Variants in MYH10 observed in about 807,000 individuals in gnomAD.
MYH10 encodes myosin-10.
In MYH10, 55 loss-of-function variants were observed where a neutral mutation model predicts 257.8. The ratio of observed to expected loss-of-function variants is 0.21; its 90% CI spans 0.17 to 0.27. MYH10 has a LOEUF of 0.27. Among genes scored for constraint, MYH10 ranks in the 10% least tolerant of loss-of-function variants. The pLI is 1.00. For missense variants in MYH10, 1,631 were observed against 2,500.6 expected (o/e 0.65, Z 7.42); for synonymous variants, 854 against 921.7 (o/e 0.93, Z 1.33).
In MYH10 at chr17:8,508,679, T is replaced by A; in HGVS notation, c.3091-2A>T. The A allele has an allele frequency of 6.2e-7, 1 of 1,613,702 alleles. No individual in the cohort carries two copies. Among genetic ancestry groups the A allele is most frequent in the Non-Finnish European group, 8.5e-7 (1 of 1,179,766 alleles). ...GCGATCTTCCATGAGTTTCTTTTCC[T>A]GGACAGGAAAAATTGACTGCTTCAG... On this transcript the variant is annotated splice_acceptor_variant, in intron 25 of 42. Transcript: ENST00000360416. LOFTEE classifies it high-confidence loss of function.
At chr17:8,532,014 G>A (rs1482999902) in intron 16 of MYH10, among the ~76,000 whole-genome samples, 1 of 152,136 alleles carries the variant, frequency 6.6e-6, no homozygotes, top group African/African-American at 2.4e-5. Flanking sequence ...ACATGGTACT[G>A]CTTCTCTGCC....
intron 37 of MYH10, among the ~76,000 whole-genome samples, chr17:8,483,094 T>A (rs1018854562): frequency 1.3e-5 from 2 of 152,206 alleles, no homozygotes; most frequent in Non-Finnish European, 2.9e-5. Context: ...TTTGGAAATT[T>A]AAACCGCAAG....
intron 14 of MYH10, among the ~76,000 whole-genome samples, chr17:8,536,473 T>C (rs2082140180): frequency 6.6e-6 from 1 of 152,232 alleles, no homozygotes; most frequent in Non-Finnish European, 1.5e-5. Context: ...CAGTCATCAA[T>C]TGCCTTATAT....
chr17:8,542,972 CAT>C (rs954452026), intron 13 of MYH10, among the ~76,000 whole-genome samples: 5 of 152,138 alleles, frequency 3.3e-5, no homozygotes, highest in African/African-American at 9.7e-5. Flanking sequence ...AGGCATTTTT[CAT>C]ATGTTATTGT....
chr17:8,550,152 A>G (rs1211176877), intron 9 of MYH10, among the ~76,000 whole-genome samples: 5 of 133,996 alleles, frequency 3.7e-5, no homozygotes, highest in African/African-American at 5.8e-5. Flanking sequence ...GCCGCCCATC[A>G]TCTGGGATGT....
intron 30 of MYH10, among the ~76,000 whole-genome samples, chr17:8,496,544 C>G (rs535249145): frequency 6.6e-6 from 1 of 152,304 alleles, no homozygotes; most frequent in South Asian, 2.1e-4. Context: ...GAACAACGTA[C>G]ATGGGAGCCT....
intron 4 of MYH10, among the ~76,000 whole-genome samples, chr17:8,585,638 A>G (rs1169364778): frequency 2.0e-5 from 3 of 152,144 alleles, no homozygotes; most frequent in South Asian, 2.1e-4. Context: ...CTGTTACTAA[A>G]TATCAGTGGT....
At chr17:8,574,911 A>T (rs559036906) in intron 6 of MYH10, among the ~76,000 whole-genome samples, 69 of 152,364 alleles carry the variant, frequency 4.5e-4, no homozygotes, top group Non-Finnish European at 8.7e-4. Flanking sequence ...ACCATTCCGT[A>T]CGGTGCTGTT....
intron 7 of MYH10, chr17:8,554,272 CCAGT>C (rs1461713086): frequency 3.8e-5 from 9 of 234,296 alleles, no homozygotes; most frequent in East Asian, 3.8e-4. Flanking sequence ...TAGTGAGATC[CCAGT>C]CATTCAGAAG....
At chr17:8,479,220 G>C (rs1296807839) in intron 40 of MYH10, among the ~76,000 whole-genome samples, 1 of 151,198 alleles carries the variant, frequency 6.6e-6, no homozygotes, top group Non-Finnish European at 1.5e-5. Flanking sequence ...GAGGGCTTTG[G>C]CAGCTCACAT....
intron 17 of MYH10, among the ~76,000 whole-genome samples, chr17:8,527,123 C>T (rs952529403): frequency 6.6e-6 from 1 of 152,130 alleles, no homozygotes; most frequent in Non-Finnish European, 1.5e-5. Context: ...TTCGCAGAAA[C>T]GATCTTCACA....
intron 1 of MYH10, among the ~76,000 whole-genome samples, chr17:8,626,578 A>AATTAAT (rs1284109448): frequency 7.8e-5 from 11 of 140,190 alleles, no homozygotes; most frequent in African/African-American, 2.7e-4. Context: ...AAATAATAAT[A>AATTAAT]AATAATAATA....
intron 6 of MYH10, among the ~76,000 whole-genome samples, chr17:8,575,670 A>G (rs887999244): frequency 2.0e-5 from 3 of 152,206 alleles, no homozygotes; most frequent in African/African-American, 7.2e-5. Flanking sequence ...TTAACAGATC[A>G]TTTCCATAAC....
chr17:8,567,524 C>T (rs1041491289), intron 7 of MYH10, among the ~76,000 whole-genome samples: 1 of 152,100 alleles, frequency 6.6e-6, no homozygotes, highest in Admixed American at 6.5e-5. Context: ...ACCCCCAGGA[C>T]CTCATGATGG....
chr17:8,560,880 A>AT, intron 7 of MYH10: 1 of 534,798 alleles, frequency 1.9e-6, no homozygotes, highest in Non-Finnish European at 3.6e-6. Flanking sequence ...GAGGGAGTGA[A>AT]TATCATGGAA....
In MYH10 at chr17:8,521,294, A is replaced by G; in HGVS notation, c.1958-9T>C. Reference sequence around the variant, plus strand: ...ACCCACGATACGGTCCACTGGGGAGAAGAAAGGAGAAAACAAATATAAGCC... The same window carrying G: ...ACCCACGATACGGTCCACTGGGGAGGAGAAAGGAGAAAACAAATATAAGCC... On this transcript the variant is annotated splice_polypyrimidine_tract_variant and intron_variant, in intron 17 of 42. Coordinates refer to ENST00000360416, the MANE Select transcript of MYH10 (RefSeq NM_001256012.3). 1.2e-6 allele frequency: 2 copies of G among 1,613,174 alleles called. No homozygotes were observed. Among genetic ancestry groups the G allele is most frequent in the Non-Finnish European group, 1.7e-6 (2 of 1,179,168 alleles).
At chr17:8,479,455 A>G (rs781284994) in intron 40 of MYH10, among the ~76,000 whole-genome samples, 2 of 152,166 alleles carry the variant, frequency 1.3e-5, no homozygotes, top group Admixed American at 6.5e-5. Flanking sequence ...CCAACTAGAA[A>G]CAAACCCTTA....
At chr17:8,488,751 G>C (rs1334264247) in intron 35 of MYH10, among the ~76,000 whole-genome samples, 1 of 152,080 alleles carries the variant, frequency 6.6e-6, no homozygotes, top group Non-Finnish European at 1.5e-5. Flanking sequence ...GGGAGAGGAG[G>C]AGCAGGGCAG....
chr17:8,499,916 G>A (rs1302724119), intron 29 of MYH10, among the ~76,000 whole-genome samples: 2 of 152,060 alleles, frequency 1.3e-5, no homozygotes, highest in African/African-American at 2.4e-5. Flanking sequence ...GTGTAGTAAG[G>A]TGGTCACATG....
Sources: gnomAD v4.1 joint callset for allele counts (sites outside exome capture counted in the v4.1 genomes callset) on GRCh38, gnomAD v4.1.1 for gene constraint, MANE v1.5 for transcripts, NCBI Gene and HGNC (gene_info 2026-07-23, HGNC 2026-07-21) for gene names.